Variants in NGF observed in about 807,000 individuals in gnomAD.
NGF encodes the protein nerve growth factor.
Under a neutral mutation model 12.8 loss-of-function variants are expected in NGF, and 4 were observed. That is an observed-to-expected ratio of 0.31 (90% CI 0.15 to 0.72). NGF has a LOEUF of 0.72. Among genes scored for constraint, NGF ranks in the 30% least tolerant of loss-of-function variants. The pLI is 0.69. For missense variants in NGF, 283 were observed against 330.8 expected (o/e 0.86, Z 1.12); for synonymous variants, 140 against 130.0 (o/e 1.08, Z -0.52).
intron 1 of NGF, among the ~76,000 whole-genome samples, chr1:115,318,121 C>T (rs1011921543): frequency 7.2e-5 from 11 of 152,106 alleles, no homozygotes; most frequent in African/African-American, 2.4e-4. Flanking sequence ...CAGGGGCTCC[C>T]AGAATGGGGG....
chr1:115,298,275 A>T (rs1653931941), intron 1 of NGF, among the ~76,000 whole-genome samples: 1 of 152,202 alleles, frequency 6.6e-6, no homozygotes, highest in Non-Finnish European at 1.5e-5. Flanking sequence ...ATTACCAAGC[A>T]CATCAAATCA....
intron 1 of NGF, among the ~76,000 whole-genome samples, chr1:115,313,451 C>T (rs1193742121): frequency 1.3e-5 from 2 of 152,158 alleles, no homozygotes; most frequent in South Asian, 4.1e-4. Context: ...TGTAAATCTG[C>T]ACTTGCTTTA....
At chr1:115,301,155 G>T (rs1181766308) in intron 1 of NGF, among the ~76,000 whole-genome samples, 1 of 152,118 alleles carries the variant, frequency 6.6e-6, no homozygotes, top group East Asian at 1.9e-4. Context: ...TAAAAAGTCT[G>T]CATTGGGGAA....
intron 2 of NGF, among the ~76,000 whole-genome samples, chr1:115,290,478 C>G (rs990600992): frequency 2.2e-5 from 3 of 136,244 alleles, no homozygotes; most frequent in African/African-American, 8.3e-5. Context: ...TCACTGCAGC[C>G]TTTGCCTCCT....
intron 1 of NGF, among the ~76,000 whole-genome samples, chr1:115,296,564 C>T (rs1011600098): frequency 6.6e-6 from 1 of 152,176 alleles, no homozygotes; most frequent in African/African-American, 2.4e-5. Flanking sequence ...TGGACCAAGT[C>T]ACCTTGGTGC....
intron 1 of NGF, among the ~76,000 whole-genome samples, chr1:115,327,680 G>A (rs1319895754): frequency 6.6e-6 from 1 of 152,122 alleles, no homozygotes; most frequent in Non-Finnish European, 1.5e-5. Flanking sequence ...CACCTTTTCA[G>A]CACAAAAAAA....
chr1:115,320,617 T>C (rs1024461559), intron 1 of NGF, among the ~76,000 whole-genome samples: 1 of 152,238 alleles, frequency 6.6e-6, no homozygotes, highest in Admixed American at 6.5e-5. Context: ...CAATATATCA[T>C]CACACTATTC....
intron 1 of NGF, among the ~76,000 whole-genome samples, chr1:115,303,144 G>A (rs911083699): frequency 4.6e-5 from 7 of 152,242 alleles, no homozygotes; most frequent in African/African-American, 1.7e-4. Flanking sequence ...GTATCTGCCT[G>A]AGCATGTATG....
At chr1:115,330,320 G>T (rs905882985) in intron 1 of NGF, among the ~76,000 whole-genome samples, 1 of 152,198 alleles carries the variant, frequency 6.6e-6, no homozygotes, top group Non-Finnish European at 1.5e-5. Context: ...CTCAGGCACT[G>T]ACTGCTAATA....
intron 1 of NGF, among the ~76,000 whole-genome samples, chr1:115,304,596 T>A (rs1461751655): frequency 6.6e-6 from 1 of 151,996 alleles, no homozygotes; most frequent in African/African-American, 2.4e-5. Flanking sequence ...ATGTTGAGTT[T>A]TTCAATTTCT....
intron 1 of NGF, among the ~76,000 whole-genome samples, chr1:115,315,931 T>A (rs1029130084): frequency 1.3e-5 from 2 of 152,194 alleles, no homozygotes; most frequent in Non-Finnish European, 2.9e-5. Context: ...GTATTCTGTC[T>A]TATTTGACTT....
chr1:115,316,092 A>G (rs1307408611), intron 1 of NGF, among the ~76,000 whole-genome samples: 2 of 152,200 alleles, frequency 1.3e-5, no homozygotes, highest in East Asian at 1.9e-4. Context: ...ATGTCATTAT[A>G]TATCAACCAG....
intron 2 of NGF, among the ~76,000 whole-genome samples, chr1:115,291,362 A>C (rs549124896): frequency 6.6e-6 from 1 of 152,266 alleles, no homozygotes; most frequent in South Asian, 2.1e-4. Context: ...GAACCAGGGG[A>C]GAAGTTTTAT....
intron 1 of NGF, among the ~76,000 whole-genome samples, chr1:115,298,466 A>C (rs547627422): frequency 2.6e-5 from 4 of 152,216 alleles, no homozygotes; most frequent in Admixed American, 2.6e-4. Flanking sequence ...AGATCATAGC[A>C]ATCACACCAA....
At chr1:115,288,088 C>T (rs114777594) in intron 2 of NGF, among the ~76,000 whole-genome samples, 6 of 152,184 alleles carry the variant, frequency 3.9e-5, no homozygotes, top group South Asian at 2.1e-4. Context: ...CATTCTGCTC[C>T]GTTTCCACAC....
intron 1 of NGF, among the ~76,000 whole-genome samples, chr1:115,325,571 A>C (rs1419645257): frequency 6.6e-6 from 1 of 152,152 alleles, no homozygotes; most frequent in African/African-American, 2.4e-5. Flanking sequence ...ATGGCAAGAT[A>C]ATTTCATTCT....
intron 1 of NGF, among the ~76,000 whole-genome samples, chr1:115,307,105 G>A (rs1296209055): frequency 1.3e-5 from 2 of 152,170 alleles, no homozygotes; most frequent in Middle Eastern, 3.2e-3. Flanking sequence ...GATGAGTCCT[G>A]AACAGATGGA....
intron 2 of NGF, among the ~76,000 whole-genome samples, chr1:115,290,170 G>T (rs879733252): frequency 6.6e-6 from 1 of 151,978 alleles, no homozygotes; most frequent in Non-Finnish European, 1.5e-5. Flanking sequence ...TTTGCATTCC[G>T]AGTGCACAAA....
At chr1:115,325,461 C>T (rs2101051376) in intron 1 of NGF, among the ~76,000 whole-genome samples, 1 of 152,200 alleles carries the variant, frequency 6.6e-6, no homozygotes, top group Non-Finnish European at 1.5e-5. Flanking sequence ...GAAGCCTCCA[C>T]CACCCCCTTT....
Sources: gnomAD v4.1 joint callset for allele counts (sites outside exome capture counted in the v4.1 genomes callset) on GRCh38, gnomAD v4.1.1 for gene constraint, MANE v1.5 for transcripts, NCBI Gene and HGNC (gene_info 2026-07-23, HGNC 2026-07-21) for gene names.